Variants in FRMPD1 observed in about 807,000 individuals in gnomAD.
The protein encoded by FRMPD1 is FERM and PDZ domain-containing protein 1.
FRMPD1 carries 76 observed loss-of-function variants against 117.8 expected under a neutral mutation model. That is an observed-to-expected ratio of 0.65 (90% CI 0.54 to 0.78). The LOEUF (loss-of-function observed/expected upper bound fraction) is 0.78. Among genes scored for constraint, FRMPD1 ranks in the 30% least tolerant of loss-of-function variants. The probability of loss-of-function intolerance (pLI) is 0.00; values close to 1 mark genes in which losing one functional copy is unlikely to be tolerated. For missense variants in FRMPD1, 1,786 were observed against 1,964.5 expected (o/e 0.91, Z 1.72); for synonymous variants, 783 against 770.4 (o/e 1.02, Z -0.27).
chr9:37,695,006 A>AATAG (rs74171518), intron 2 of FRMPD1, among the ~76,000 whole-genome samples: 6,855 of 150,904 alleles, frequency 0.045, 168 homozygotes, highest in African/African-American at 0.05. Flanking sequence ...GCCAAATAAG[A>AATAG]ATAGATAGAT....
At position 37,735,561 on chromosome 9, in the gene FRMPD1, AG is replaced by A. The variant is rs1304260634; in HGVS notation, c.1229del (p.Arg410LysfsTer8). The A allele has an allele frequency of 6.2e-7, 1 of 1,612,320 alleles. No homozygotes were observed. Among genetic ancestry groups the A allele is most frequent in the Non-Finnish European group, 8.5e-7 (1 of 1,178,496 alleles). On this transcript the variant is annotated frameshift_variant, in exon 13 of 16. Transcript: ENST00000377765. LOFTEE classifies it high-confidence loss of function. ...IFNATLMLQD[R>X]ESYIALLVGA... ...CTTCCACCCTCTGCAGTTACAGGAT[AG>A]AGAATCCTACATTGCCCTTCTAGTT...
At chr9:37,711,953 A>G (rs1822924760) in intron 5 of FRMPD1, among the ~76,000 whole-genome samples, 1 of 152,194 alleles carries the variant, frequency 6.6e-6, no homozygotes, top group South Asian at 2.1e-4. Context: ...GTATATAATC[A>G]AATTTTCAAA....
At chr9:37,695,808 A>G (rs1822299343) in intron 2 of FRMPD1, among the ~76,000 whole-genome samples, 1 of 152,102 alleles carries the variant, frequency 6.6e-6, no homozygotes, top group Non-Finnish European at 1.5e-5. Flanking sequence ...CCCCGCAAGG[A>G]TCACTCACTT....
At chr9:37,709,594 A>G (rs974117142) in intron 4 of FRMPD1, among the ~76,000 whole-genome samples, 3 of 152,202 alleles carry the variant, frequency 2.0e-5, no homozygotes, top group African/African-American at 7.2e-5. Flanking sequence ...AAGCCAAGGA[A>G]ATACACTGTA....
intron 10 of FRMPD1, 46 bp from the exon 11 acceptor site, chr9:37,733,427 G>T: frequency 6.3e-7 from 1 of 1,593,116 alleles, no homozygotes; most frequent in Admixed American, 1.7e-5. Flanking sequence ...TTAGAGCCAA[G>T]TACCCTGTAG....
chr9:37,652,482 C>T (rs1400117270), intron 1 of FRMPD1, among the ~76,000 whole-genome samples: 1 of 152,174 alleles, frequency 6.6e-6, no homozygotes, highest in African/African-American at 2.4e-5. Context: ...CGCATTACCA[C>T]GAAAGGATTC....
chr9:37,685,408 C>T (rs1821887844), intron 1 of FRMPD1, among the ~76,000 whole-genome samples: 1 of 152,094 alleles, frequency 6.6e-6, no homozygotes, highest in South Asian at 2.1e-4. Flanking sequence ...CTTTGGGAGG[C>T]CAAGGCGGGC....
At position 37,745,087 on chromosome 9, in the gene FRMPD1, G is replaced by A. The variant is rs1383649524; in HGVS notation, c.3055G>A (p.Asp1019Asn). 1 of 1,614,068 alleles carries A rather than the reference G, an allele frequency of 6.2e-7. No homozygotes were observed. Reference sequence around the variant, plus strand: ...CAGCTCCTTCTCCCTCTCCAGTGGTGACCCTAACCCAGACAGAGCCTGCCT... The same window carrying A: ...CAGCTCCTTCTCCCTCTCCAGTGGTAACCCTAACCCAGACAGAGCCTGCCT... The part of the protein sequence containing the change: ...GDSSFSLSSG[D>N]PNPDRACLAS... The change falls in exon 16 of 16, where the codon GAC becomes AAC. Residue 1019 changes from aspartate (D) to asparagine (N), a missense_variant. Coordinates refer to ENST00000377765, the MANE Select transcript of FRMPD1 (RefSeq NM_014907.3).
rs765980830 is a variant in FRMPD1 at position 37,719,083 on chromosome 9, G to A, written c.423G>A (p.Ser141=). The A allele has an allele frequency of 1.2e-5, 20 of 1,610,062 alleles. 1 individual carries two copies. Among genetic ancestry groups the A allele is most frequent in the Admixed American group, 6.7e-5 (4 of 59,994 alleles). ...CTGTTTTTCAGGGAGTCCCTAAATC[G>A]TCCTTCCTGACCGAGGAGAAGAGAG... ...VVRCTSGVPK[S]SFLTEEKRAR... is the part of the protein sequence containing the mutation. Residue 141 remains serine (S), a synonymous_variant, in exon 6 of 16, where the codon TCG becomes TCA. Transcript: ENST00000377765.
At chr9:37,705,208 C>CA (rs770326967) in intron 2 of FRMPD1, among the ~76,000 whole-genome samples, 64 of 147,652 alleles carry the variant, frequency 4.3e-4, no homozygotes, top group East Asian at 3.9e-4. Flanking sequence ...TGCTAAAAAA[C>CA]AAAAAAAAAA....
At chr9:37,624,013 T>A in the FRMPD1 span, among the ~76,000 whole-genome samples, 700 of 152,286 alleles carry the variant, frequency 4.6e-3, 6 homozygotes, top group Admixed American at 5.0e-3. Flanking sequence ...AGACAGGATC[T>A]AGCTGAGGTG....
chr9:37,669,425 G>T (rs1821274744), intron 1 of FRMPD1, among the ~76,000 whole-genome samples: 1 of 152,122 alleles, frequency 6.6e-6, no homozygotes, highest in Non-Finnish European at 1.5e-5. Context: ...CCAGCAACCT[G>T]TGTTTTAACA....
chr9:37,740,567 T>C lies in FRMPD1; in HGVS notation c.2039T>C (p.Leu680Ser). The change falls in exon 15 of 16, where the codon TTG becomes TCG. Residue 680 changes from leucine (L) to serine (S), a missense_variant. Leu to Ser is a moderately radical substitution (Grantham distance 145). Transcript: ENST00000377765. The surrounding 1 kb of genome is among the most constrained non-coding windows in gnomAD (Gnocchi z 4.2). ...QKTEFSESAA[L>S]ETFGWAPELS... ...ACAGAGTTTTCCGAGAGTGCTGCTT[T>C]GGAGACATTTGGCTGGGCACCAGAA... 1 of 1,614,212 alleles carries C rather than the reference T, an allele frequency of 6.2e-7. No individual in the cohort carries two copies. The highest frequency in any genetic ancestry group is 1.7e-5 in the Admixed American group (1 of 60,034).
intron 15 of FRMPD1, among the ~76,000 whole-genome samples, chr9:37,743,306 A>C (rs1824508949): frequency 6.6e-6 from 1 of 152,146 alleles, no homozygotes; most frequent in South Asian, 2.1e-4. Context: ...AATTCCTTTA[A>C]CCTGCACGGC....
At position 37,744,777 on chromosome 9, in the gene FRMPD1, C is replaced by G; in HGVS notation, c.2745C>G (p.Asn915Lys). The stretch of plus-strand genomic sequence containing the variant: ...CTCTGAGGGAGACCAAGAGCACAAA[C>G]CCAGCCTCCAGGGTCATGGAGATGG... ...LAPLRETKST[N>K]PASRVMEMEP... Residue 915 changes from asparagine to lysine, a missense_variant, in exon 16 of 16, where the codon AAC becomes AAG. Physicochemically the swap from Asn to Lys is moderately conservative, Grantham distance 94. Coordinates refer to ENST00000377765, the MANE Select transcript of FRMPD1 (RefSeq NM_014907.3). The G allele has an allele frequency of 6.2e-7, 1 of 1,614,196 alleles. No homozygotes were observed. The highest frequency in any genetic ancestry group is 1.7e-5 in the Admixed American group (1 of 60,018).
intron 1 of FRMPD1, among the ~76,000 whole-genome samples, chr9:37,682,517 C>A (rs545269854): frequency 6.6e-6 from 1 of 152,304 alleles, no homozygotes; most frequent in East Asian, 1.9e-4. Context: ...AGAGGCTTGA[C>A]AACTTGTGCA....
At chr9:37,666,572 C>T (rs1157488787) in intron 1 of FRMPD1, among the ~76,000 whole-genome samples, 1 of 152,126 alleles carries the variant, frequency 6.6e-6, no homozygotes, top group African/African-American at 2.4e-5. Flanking sequence ...CTTATCCTGT[C>T]CTTCACGCTC....
At chr9:37,715,036 C>T (rs1588951057) in intron 5 of FRMPD1, among the ~76,000 whole-genome samples, 1 of 152,098 alleles carries the variant, frequency 6.6e-6, no homozygotes, top group Non-Finnish European at 1.5e-5. Context: ...TTCTTGGAGT[C>T]CTCAGATTAC....
chr9:37,605,865 C>T, the FRMPD1 span, among the ~76,000 whole-genome samples: 29 of 152,104 alleles, frequency 1.9e-4, no homozygotes, highest in Non-Finnish European at 4.0e-4. Context: ...CAGGTTCATG[C>T]CTGGGTAGTT....
Sources: gnomAD v4.1 joint callset for allele counts (sites outside exome capture counted in the v4.1 genomes callset) on GRCh38, gnomAD v4.1.1 for gene constraint, Gnocchi (gnomAD v3.1) non-coding constraint, MANE v1.5 for transcripts, NCBI Gene and HGNC (gene_info 2026-07-23, HGNC 2026-07-21) for gene names.